AOAH: variants seen among roughly 807,000 people sequenced by gnomAD.
The protein encoded by AOAH is acyloxyacyl hydrolase.
A neutral mutation model predicts 92.2 loss-of-function variants in AOAH; 64 were observed. The observed-to-expected ratio is 0.69, with a 90% CI of 0.57 to 0.86. AOAH has a LOEUF of 0.86. AOAH is among the 40% of genes least tolerant of loss of function. AOAH has a pLI of 0.00. For synonymous variants in AOAH, 263 were observed against 254.5 expected (o/e 1.03, Z -0.32); for missense variants, 656 against 694.6 (o/e 0.94, Z 0.62).
chr7:36,717,792 C>T (rs1355735425), intron 1 of AOAH, among the ~76,000 whole-genome samples: 10 of 132,440 alleles, frequency 7.6e-5, no homozygotes, highest in Non-Finnish European at 1.5e-4. Context: ...CCAGGAGTTT[C>T]GCTCCTGGTT....
At chr7:36,513,978 T>G (rs1255116747) in intron 20 of AOAH, among the ~76,000 whole-genome samples, 1 of 152,222 alleles carries the variant, frequency 6.6e-6, no homozygotes, top group Non-Finnish European at 1.5e-5. Context: ...AGAAATCCAC[T>G]TATTCATTTA....
rs1790132795 is a variant in AOAH at position 36,513,062 on chromosome 7, TC to T, written c.*189del. On this transcript the variant is annotated 3_prime_UTR_variant, in exon 21 of 21. Coordinates refer to ENST00000617537, the MANE Select transcript of AOAH (RefSeq NM_001637.4). ...TCAGGAACAGCGGAAGGGTTACTGA[TC>T]CCGGGAGCACACAGCATTGCACAGT... 6.5e-7 allele frequency: 1 copy of T among 1,547,708 alleles called. No individual in the cohort carries two copies. Among genetic ancestry groups the T allele is most frequent in the South Asian group, 1.2e-5 (1 of 85,598 alleles).
chr7:36,607,419 C>G (rs558357297), intron 11 of AOAH, among the ~76,000 whole-genome samples: 1 of 152,236 alleles, frequency 6.6e-6, no homozygotes, highest in East Asian at 1.9e-4. Flanking sequence ...ACCATCAGAC[C>G]CCAAGGGAGA....
At chr7:36,621,335 G>A (rs1284773614) in intron 8 of AOAH, among the ~76,000 whole-genome samples, 1 of 152,206 alleles carries the variant, frequency 6.6e-6, no homozygotes, top group Non-Finnish European at 1.5e-5. Context: ...GGAGGGAGAG[G>A]CCACTATTTC....
chr7:36,554,439 T>C (rs1380413881), intron 13 of AOAH, among the ~76,000 whole-genome samples: 2 of 152,230 alleles, frequency 1.3e-5, no homozygotes, highest in Non-Finnish European at 2.9e-5. Flanking sequence ...CTTTGTTCTT[T>C]TGGCTTAGGT....
chr7:36,620,950 C>T (rs1792236026), intron 8 of AOAH, 121 bp from the exon 9 acceptor site: 3 of 860,256 alleles, frequency 3.5e-6, no homozygotes, highest in Admixed American at 4.4e-5. Flanking sequence ...GGAGAGACAA[C>T]AGCATTCTTC....
chr7:36,561,547 G>A (rs938917175), intron 13 of AOAH, among the ~76,000 whole-genome samples: 5 of 152,096 alleles, frequency 3.3e-5, no homozygotes, highest in African/African-American at 9.7e-5. Flanking sequence ...GCCCCCATGC[G>A]CTGTGTTGAT....
At chr7:36,687,772 G>C (rs185923117) in intron 1 of AOAH, among the ~76,000 whole-genome samples, 1 of 152,270 alleles carries the variant, frequency 6.6e-6, no homozygotes, top group East Asian at 1.9e-4. Flanking sequence ...CAAGGAGCTA[G>C]AGACCCACAT....
At chr7:36,676,125 G>T (rs1231070775) in intron 2 of AOAH, among the ~76,000 whole-genome samples, 12 of 152,086 alleles carry the variant, frequency 7.9e-5, no homozygotes, top group Non-Finnish European at 5.9e-5. Context: ...GGAGAATGAG[G>T]CAAGAAAAAG....
chr7:36,602,994 G>A (rs1012051834), intron 11 of AOAH, among the ~76,000 whole-genome samples: 3 of 152,144 alleles, frequency 2.0e-5, no homozygotes, highest in African/African-American at 7.2e-5. Flanking sequence ...CTGGCCCTGG[G>A]TGACTGCAGC....
chr7:36,556,369 T>G (rs894959149), intron 13 of AOAH, among the ~76,000 whole-genome samples: 1 of 152,142 alleles, frequency 6.6e-6, no homozygotes, highest in Non-Finnish European at 1.5e-5. Flanking sequence ...TAATTTCTGT[T>G]CTTTTCCATT....
chr7:36,528,112 C>T (rs1470958131), intron 19 of AOAH, among the ~76,000 whole-genome samples: 1 of 152,078 alleles, frequency 6.6e-6, no homozygotes, highest in African/African-American at 2.4e-5. Context: ...GCCCACATGC[C>T]TTCCCTAGTG....
intron 19 of AOAH, among the ~76,000 whole-genome samples, chr7:36,529,134 C>A (rs1784551102): frequency 6.6e-6 from 1 of 152,024 alleles, no homozygotes; most frequent in African/African-American, 2.4e-5. Context: ...TATGGTATCC[C>A]CATTTCCAGG....
chr7:36,567,731 G>A (rs1787814613), intron 13 of AOAH, among the ~76,000 whole-genome samples: 1 of 152,196 alleles, frequency 6.6e-6, no homozygotes, highest in Non-Finnish European at 1.5e-5. Flanking sequence ...GAATAGTGGT[G>A]TTTTTGTGCC....
At chr7:36,662,843 T>C (rs1795300491) in intron 3 of AOAH, among the ~76,000 whole-genome samples, 2 of 152,206 alleles carry the variant, frequency 1.3e-5, no homozygotes, top group South Asian at 2.1e-4. Context: ...GGACATGTGG[T>C]GTCCCTCTAG....
At chr7:36,654,640 T>A (rs1413322347) in intron 4 of AOAH, among the ~76,000 whole-genome samples, 21 of 152,154 alleles carry the variant, frequency 1.4e-4, no homozygotes, top group Non-Finnish European at 1.5e-5. Flanking sequence ...AGCATGTATA[T>A]CACAGGGGAG....
At chr7:36,594,284 GTTCT>G in intron 12 of AOAH, 51 bp downstream of exon 12, 1 of 1,403,096 alleles carries the variant, frequency 7.1e-7, no homozygotes, top group Non-Finnish European at 1.0e-6. Flanking sequence ...CCCATCTCTT[GTTCT>G]TTCCTTACAC....
intron 15 of AOAH, among the ~76,000 whole-genome samples, chr7:36,543,592 C>T (rs1036599708): frequency 1.9e-4 from 28 of 150,740 alleles, no homozygotes; most frequent in African/African-American, 5.6e-4. Flanking sequence ...TTTTTTTTTT[C>T]GGTTAGAGGC....
At chr7:36,579,527 T>TG (rs1054192096) in intron 12 of AOAH, among the ~76,000 whole-genome samples, 78 of 151,930 alleles carry the variant, frequency 5.1e-4, no homozygotes, top group Admixed American at 9.8e-4. Flanking sequence ...TATATATATA[T>TG]GGGGGGGTTT....
Sources: gnomAD v4.1 joint callset for allele counts (sites outside exome capture counted in the v4.1 genomes callset) on GRCh38, gnomAD v4.1.1 for gene constraint, MANE v1.5 for transcripts, NCBI Gene and HGNC (gene_info 2026-07-23, HGNC 2026-07-21) for gene names.